Variants in ARID1B observed in about 807,000 individuals in gnomAD.
The protein encoded by ARID1B is AT-rich interaction domain 1B, also known as AT-rich interactive domain-containing protein 1B.
Under a neutral mutation model 212.3 loss-of-function variants are expected in ARID1B, and 30 were observed. The observed-to-expected ratio is 0.14, with a 90% CI of 0.11 to 0.19. ARID1B has a LOEUF of 0.19. Among genes scored for constraint, ARID1B ranks in the 10% least tolerant of loss-of-function variants. The pLI is 1.00. For missense variants in ARID1B, 2,891 were observed against 3,204.0 expected (o/e 0.90, Z 2.36); for synonymous variants, 1,402 against 1,301.7 (o/e 1.08, Z -1.66).
intron 4 of ARID1B, among the ~76,000 whole-genome samples, chr6:157,064,010 C>T (rs1036451477): frequency 2.0e-5 from 3 of 152,296 alleles, no homozygotes; most frequent in Admixed American, 6.5e-5. Context: ...GGCATCAGAA[C>T]ATGGGGTGGT....
chr6:156,900,463 T>C (rs1788825832), intron 2 of ARID1B, among the ~76,000 whole-genome samples: 2 of 152,190 alleles, frequency 1.3e-5, no homozygotes, highest in African/African-American at 2.4e-5. Context: ...TGTGTGTGCT[T>C]ATGGGGCTCA....
intron 7 of ARID1B, among the ~76,000 whole-genome samples, chr6:157,138,588 C>T (rs945819069): frequency 2.0e-5 from 3 of 152,160 alleles, no homozygotes; most frequent in African/African-American, 7.2e-5. Flanking sequence ...TGGGGTCTGT[C>T]TGCCACATAG....
chr6:157,027,383 G>A (rs191566740), intron 4 of ARID1B, among the ~76,000 whole-genome samples: 1 of 152,292 alleles, frequency 6.6e-6, no homozygotes, highest in East Asian at 1.9e-4. Context: ...TTTTAAATAT[G>A]CACTGTGATA....
chr6:156,841,298 A>T (rs930134463), intron 2 of ARID1B, among the ~76,000 whole-genome samples: 1 of 150,818 alleles, frequency 6.6e-6, no homozygotes, highest in Non-Finnish European at 1.5e-5. Context: ...ATCGTAGCCC[A>T]TTTCCAAAGC....
Position 157,200,781 on chromosome 6 carries a change from A to G in ARID1B, c.4556A>G (p.Tyr1519Cys). The G allele has an allele frequency of 6.2e-7, 1 of 1,614,092 alleles. No homozygotes were observed. The highest frequency in any genetic ancestry group is 8.5e-7 in the Non-Finnish European group (1 of 1,180,016). ...GAGGGCGACATGTACAACATGCAGT[A>G]CAGCAGCCAGCAGCAGGAGATGTAC... ...RHEGDMYNMQ[Y>C]SSQQQEMYNQ... is the part of the protein sequence containing the mutation. Residue 1519 changes from tyrosine (Y) to cysteine (C), a missense_variant, in exon 18 of 20, where the codon TAC becomes TGC. Coordinates refer to ENST00000636930, the MANE Select transcript of ARID1B (RefSeq NM_001374828.1). The surrounding 1 kb of genome is among the most constrained non-coding windows in gnomAD (Gnocchi z 4.3).
rs572928988 is a variant in ARID1B, at chr6:156,810,999, C to T, written c.1792-18228C>T. Among the ~76,000 whole-genome samples the T allele has an allele frequency of 1.2e-4, 18 of 152,190 alleles. No individual in the cohort carries two copies. In the South Asian group the frequency reaches 1.2e-3, roughly 11 times the overall value. On this transcript the variant is annotated intron_variant, in intron 1 of 19. Transcript: ENST00000636930. Reference sequence around the variant, plus strand: ...TAGAGGCTGTAATCCAGGTGTCAGCCGGGCTGCATTCTCATCTAGAGGCTT... The same window carrying T: ...TAGAGGCTGTAATCCAGGTGTCAGCTGGGCTGCATTCTCATCTAGAGGCTT...
chr6:156,960,506 C>T (rs1248029822), intron 4 of ARID1B, among the ~76,000 whole-genome samples: 2 of 151,968 alleles, frequency 1.3e-5, no homozygotes, highest in East Asian at 3.8e-4. Context: ...AAGTATTGGC[C>T]TTAAAAGTAC....
chr6:156,829,701 C>CA, intron 2 of ARID1B: 1 of 305,246 alleles, frequency 3.3e-6, no homozygotes, highest in East Asian at 5.5e-5. Flanking sequence ...CAGGTTATAA[C>CA]AGATGTAAGC....
chr6:156,900,295 A>T (rs1562470946), intron 2 of ARID1B, among the ~76,000 whole-genome samples: 1 of 152,046 alleles, frequency 6.6e-6, no homozygotes. Context: ...TTCCCCTTTT[A>T]CCCCATTGTA....
intron 4 of ARID1B, among the ~76,000 whole-genome samples, chr6:156,991,744 G>A (rs1001102183): frequency 3.3e-5 from 5 of 152,084 alleles, no homozygotes; most frequent in Non-Finnish European, 2.9e-5. Context: ...CATACACATA[G>A]TAATAAATTA....
chr6:157,050,887 A>G (rs75076965), intron 4 of ARID1B, among the ~76,000 whole-genome samples: 1,652 of 152,280 alleles, frequency 0.011, 24 homozygotes, highest in African/African-American at 0.038. Context: ...CCATTCACAC[A>G]TGTATGCATT....
At position 156,872,634 on chromosome 6, in the gene ARID1B, C is replaced by T. The variant is rs184336567; in HGVS notation, c.1987-28742C>T. Among the ~76,000 whole-genome samples the T allele has an allele frequency of 3.9e-5, 6 of 152,222 alleles. No homozygotes were observed. The East Asian group carries it at 7.7e-4, about 20-fold the overall frequency. Reference sequence around the variant, plus strand: ...AGCCACCACTCCTGGCCTAACCCATCGGTTTTCAGTCTGTTTGGTTTATTG... The same window carrying T: ...AGCCACCACTCCTGGCCTAACCCATTGGTTTTCAGTCTGTTTGGTTTATTG... On this transcript the variant is annotated intron_variant, in intron 2 of 19. Coordinates refer to ENST00000636930, the MANE Select transcript of ARID1B (RefSeq NM_001374828.1).
At chr6:157,042,884 C>T (rs1781981689) in intron 4 of ARID1B, among the ~76,000 whole-genome samples, 1 of 152,116 alleles carries the variant, frequency 6.6e-6, no homozygotes, top group Non-Finnish European at 1.5e-5. Context: ...TGGTCTCAAA[C>T]TCCTGACCTC....
intron 11 of ARID1B, among the ~76,000 whole-genome samples, chr6:157,177,544 T>C (rs189869298): frequency 6.6e-6 from 1 of 152,306 alleles, no homozygotes; most frequent in African/African-American, 2.4e-5. Flanking sequence ...ATTGTTTTGT[T>C]ACAGAACATT....
At position 156,778,841 on chromosome 6, in the gene ARID1B, C is replaced by A. The variant is rs1392900417; in HGVS notation, c.1161C>A (p.Pro387=). The stretch of plus-strand genomic sequence containing the variant: ...ACCATTATCCGGGCTACAGCCGGCC[C>A]GGCGCGGGCGGCGGCGGCGGCGGCG... The part of the protein sequence containing the change: ...QCNHYPGYSR[P]GAGGGGGGGG... Residue 387 remains proline (P), a synonymous_variant, in exon 1 of 20, where the codon CCC becomes CCA. Transcript: ENST00000636930. 1.4e-6 allele frequency: 2 copies of A among 1,415,474 alleles called. No individual in the cohort carries two copies. Among genetic ancestry groups the A allele is most frequent in the Non-Finnish European group, 9.2e-7 (1 of 1,081,944 alleles). 87.7% of individuals were successfully genotyped at this position (1,415,474 alleles called of 1,614,324 possible). A position where few individuals can be genotyped will look rare whatever the true frequency, so the allele number is the denominator to read the frequency against.
intron 4 of ARID1B, among the ~76,000 whole-genome samples, chr6:157,019,435 G>A (rs945111589): frequency 6.6e-6 from 1 of 152,202 alleles, no homozygotes; most frequent in African/African-American, 2.4e-5. Flanking sequence ...CTGAGGCCCA[G>A]AGATGCTAAG....
chr6:156,908,756 T>G (rs1789615674), intron 3 of ARID1B, among the ~76,000 whole-genome samples: 1 of 152,228 alleles, frequency 6.6e-6, no homozygotes, highest in Non-Finnish European at 1.5e-5. Context: ...GCTTATTTTT[T>G]TTTGAAGACA....
chr6:156,970,008 G>A (rs1174407608), intron 4 of ARID1B, among the ~76,000 whole-genome samples: 2 of 151,048 alleles, frequency 1.3e-5, no homozygotes, highest in African/African-American at 4.9e-5. Context: ...ACTGTAGAAT[G>A]TAGAATTTGT....
intron 15 of ARID1B, among the ~76,000 whole-genome samples, chr6:157,193,100 T>C (rs1432590540): frequency 6.6e-6 from 1 of 152,232 alleles, no homozygotes; most frequent in African/African-American, 2.4e-5. Flanking sequence ...GAGGCATTGA[T>C]TGATTACATA....
Sources: allele counts gnomAD v4.1 joint callset (sites outside exome capture counted in the v4.1 genomes callset), GRCh38; gene constraint gnomAD v4.1.1; non-coding constraint Gnocchi (gnomAD v3.1); transcripts MANE v1.5; gene names NCBI Gene and HGNC (gene_info 2026-07-23, HGNC 2026-07-21).